Variants in PCBP3 observed in about 807,000 individuals in gnomAD.
PCBP3 encodes poly(rC)-binding protein 3.
A neutral mutation model predicts 52.7 loss-of-function variants in PCBP3; 25 were observed. The observed-to-expected ratio is 0.47, with a 90% CI of 0.35 to 0.66. PCBP3 has a LOEUF of 0.66. Among genes scored for constraint, PCBP3 ranks in the 30% least tolerant of loss-of-function variants. PCBP3 has a pLI of 0.01. For missense variants in PCBP3, 391 were observed against 490.3 expected, an observed-to-expected ratio of 0.80 and a Z score of 1.91; for synonymous variants, 162 against 183.0, an observed-to-expected ratio of 0.89 and a Z score of 0.93.
chr21:45,818,712 G>C (rs2093039882), intron 4 of PCBP3, among the ~76,000 whole-genome samples: 1 of 152,222 alleles, frequency 6.6e-6, no homozygotes, highest in Admixed American at 6.5e-5. Flanking sequence ...CCTGCACACA[G>C]ATGTTTATAG....
At chr21:45,926,698 T>G (rs1304042262) in intron 13 of PCBP3, among the ~76,000 whole-genome samples, 1 of 152,214 alleles carries the variant, frequency 6.6e-6, no homozygotes. Context: ...TGATCTTTAC[T>G]TCCTGCCATA....
At chr21:45,774,067 T>C (rs2090073601) in intron 4 of PCBP3, among the ~76,000 whole-genome samples, 1 of 152,194 alleles carries the variant, frequency 6.6e-6, no homozygotes, top group Admixed American at 6.5e-5. Flanking sequence ...TTTTGTATGT[T>C]GATTTTGTAT....
At chr21:45,908,381 A>C (rs956857422) in intron 9 of PCBP3, among the ~76,000 whole-genome samples, 2 of 152,212 alleles carry the variant, frequency 1.3e-5, no homozygotes, top group Non-Finnish European at 2.9e-5. Context: ...GTGTGGGTCA[A>C]AGTCAAGCTC....
intron 9 of PCBP3, among the ~76,000 whole-genome samples, chr21:45,901,843 A>G (rs1006325525): frequency 8.5e-5 from 13 of 152,212 alleles, no homozygotes; most frequent in African/African-American, 2.9e-4. Flanking sequence ...ATGTGTTTCT[A>G]ATTTTCTTGA....
chr21:45,874,447 A>G (rs865910991), intron 5 of PCBP3, among the ~76,000 whole-genome samples: 1 of 150,702 alleles, frequency 6.6e-6, no homozygotes, highest in Non-Finnish European at 1.5e-5. Context: ...TGTTGGGTCT[A>G]TCCCAACTCT....
At chr21:45,699,908 C>A (rs1038243437) in intron 2 of PCBP3, among the ~76,000 whole-genome samples, 8 of 152,214 alleles carry the variant, frequency 5.3e-5, no homozygotes, top group African/African-American at 1.9e-4. Flanking sequence ...CAAACCATAT[C>A]ATTCCGCCCC....
intron 1 of PCBP3, among the ~76,000 whole-genome samples, chr21:45,647,922 CTG>C (rs1363758002): frequency 1.3e-5 from 2 of 152,052 alleles, no homozygotes; most frequent in East Asian, 3.9e-4. Context: ...TGGGTGGGCT[CTG>C]AGTAATCACA....
Position 45,779,374 on chromosome 21 carries a change from C to T in PCBP3, c.-126+23922C>T, listed in dbSNP as rs192685853. Among the ~76,000 whole-genome samples the T allele has an allele frequency of 2.9e-3, 448 of 152,278 alleles. 2 individuals are homozygous for T. Among genetic ancestry groups the T allele is most frequent in the Non-Finnish European group, 5.5e-3 (374 of 68,022 alleles). ...ACTGGAAGTTTCTCACTCAGCCTTT[C>T]CTTGTGTTGGGAAGTCACTCTTGGC... On this transcript the variant is annotated intron_variant, in intron 4 of 17. Transcript: ENST00000681687.
rs564394832 is a variant in PCBP3 at position 45,881,550 on chromosome 21, C to G, written c.11-14658C>G. Among the ~76,000 whole-genome samples the G allele has an allele frequency of 4.6e-5, 7 of 152,254 alleles. No individual in the cohort carries two copies. In the South Asian group the frequency reaches 1.5e-3, roughly 32 times the overall value. Reference sequence around the variant, plus strand: ...TGACCTGCCTACCTCAGGCAACAGCCTAGGCAACATAGAGAGACCCCATCT... The same window carrying G: ...TGACCTGCCTACCTCAGGCAACAGCGTAGGCAACATAGAGAGACCCCATCT... On this transcript the variant is annotated intron_variant, in intron 5 of 17. Transcript: ENST00000681687.
At chr21:45,889,082 C>T (rs1367918619) in intron 5 of PCBP3, among the ~76,000 whole-genome samples, 1 of 152,216 alleles carries the variant, frequency 6.6e-6, no homozygotes, top group South Asian at 2.1e-4. Context: ...TTCGTTCTGG[C>T]CCGTGCACTG....
chr21:45,655,602 A>G lies in PCBP3; in HGVS notation c.-279+11734A>G, dbSNP rs534331659. Among the ~76,000 whole-genome samples, 22 of 152,242 alleles carry G rather than the reference A, an allele frequency of 1.4e-4. No individual in the cohort carries two copies. In the South Asian group the frequency reaches 3.9e-3, roughly 27 times the overall value. ...AAATGGCTATTTAAATCCTTTGCCC[A>G]AGACTTCATGACTAAAACACCAAAA... On this transcript the variant is annotated intron_variant, in intron 1 of 17. Transcript: ENST00000681687.
chr21:45,900,771 C>T, intron 8 of PCBP3, 148 bp downstream of exon 8: 1 of 716,750 alleles, frequency 1.4e-6, no homozygotes, highest in Non-Finnish European at 2.5e-6. Context: ...TTCCCCTACT[C>T]AGGCCTCCTG....
chr21:45,673,154 G>A (rs983211735), intron 2 of PCBP3, among the ~76,000 whole-genome samples: 1 of 152,114 alleles, frequency 6.6e-6, no homozygotes, highest in South Asian at 2.1e-4. Context: ...ATTTATTTCT[G>A]TTGAAATATG....
rs1306373201 is a variant in PCBP3, at chr21:45,704,521, A to G, written c.-199-30871A>G. Among the ~76,000 whole-genome samples, 1 of 152,134 alleles carries G rather than the reference A, an allele frequency of 6.6e-6. No homozygotes were observed. Among genetic ancestry groups the G allele is most frequent in the African/African-American group, 2.4e-5 (1 of 41,446 alleles). On this transcript the variant is annotated intron_variant, in intron 2 of 17. Coordinates refer to ENST00000681687, the MANE Select transcript of PCBP3 (RefSeq NM_001384156.1). This position sits in a 1 kb window ranked among gnomAD's most constrained non-coding sequence, Gnocchi z 4.1. ...TGGCAGAGGCGCCCCAGGGGGCTCC[A>G]GGGGAGTGCTGTCTGCTGCTGGCGG...
intron 16 of PCBP3, among the ~76,000 whole-genome samples, chr21:45,939,775 G>T (rs1477660870): frequency 6.6e-6 from 1 of 152,222 alleles, no homozygotes; most frequent in Non-Finnish European, 1.5e-5. Flanking sequence ...TCCTACAGGA[G>T]TGGGTAGCAG....
At chr21:45,709,085 C>T (rs2083651093) in intron 2 of PCBP3, among the ~76,000 whole-genome samples, 1 of 152,188 alleles carries the variant, frequency 6.6e-6, no homozygotes, top group South Asian at 2.1e-4. Context: ...AAAACAGAAA[C>T]AACAGTCCAT....
At chr21:45,909,512 C>T (rs556720525) in intron 10 of PCBP3, 26 bp downstream of exon 10, 109 of 1,607,978 alleles carry the variant, frequency 6.8e-5, no homozygotes, top group South Asian at 1.7e-4. Context: ...CAGCCTGGGC[C>T]GCTGCGGAGC....
intron 4 of PCBP3, among the ~76,000 whole-genome samples, chr21:45,764,119 CTT>C (rs71185167): frequency 5.8e-5 from 7 of 119,776 alleles, no homozygotes; most frequent in Admixed American, 8.1e-5. Context: ...TTTTTTTTTT[CTT>C]TTTTTTTTTT....
At chr21:45,919,844 C>T (rs1044164240) in intron 13 of PCBP3, among the ~76,000 whole-genome samples, 9 of 149,580 alleles carry the variant, frequency 6.0e-5, no homozygotes, top group African/African-American at 1.0e-4. Flanking sequence ...TGTGCGCGCG[C>T]GCGTGCGCGT....
Sources: gnomAD v4.1 joint callset for allele counts (sites outside exome capture counted in the v4.1 genomes callset) on GRCh38, gnomAD v4.1.1 for gene constraint, Gnocchi (gnomAD v3.1) non-coding constraint, MANE v1.5 for transcripts, NCBI Gene and HGNC (gene_info 2026-07-23, HGNC 2026-07-21) for gene names.